The following CLBA1 variants were observed in gnomAD, a reference collection of about 807,000 sequenced individuals.
The protein encoded by CLBA1 is clathrin binding box of aftiphilin containing 1.
CLBA1 carries 30 observed loss-of-function variants against 28.8 expected under a neutral mutation model. That is an observed-to-expected ratio of 1.04 (90% CI 0.78 to 1.41). The LOEUF (loss-of-function observed/expected upper bound fraction) is 1.41. CLBA1 is among the 40% of genes most tolerant of loss of function. The pLI is 0.00. For missense variants in CLBA1, 451 were observed against 412.3 expected, an observed-to-expected ratio of 1.09 and a Z score of -0.81; for synonymous variants, 160 against 152.8, an observed-to-expected ratio of 1.05 and a Z score of -0.35.
rs371168513 is a variant in CLBA1 at position 104,991,604 on chromosome 14, T to C, written c.683T>C (p.Ile228Thr). ...CQENFFLVLG[I>T]DAAQKNLSGG... The stretch of plus-strand genomic sequence containing the variant: ...GAGAACTTCTTTCTTGTTCTCGGAA[T>C]AGATGCTGCGCAGAAGGTAGGCGGT... Residue 228 changes from isoleucine to threonine, a missense_variant, in exon 3 of 5, where the codon ATA becomes ACA. Transcript: ENST00000547315. 2.8e-5 allele frequency: 45 copies of C among 1,612,720 alleles called. No homozygotes were observed. The African/African-American group carries it at 4.4e-4, about 16-fold the overall frequency.
chr14:104,995,078 C>G lies in CLBA1; in HGVS notation c.*319C>G. ...GGTGGGGGGTTGCCCAGGGATGGAC[C>G]CTGGGCATGGCTTCTGGGCTGCTTA... On this transcript the variant is annotated 3_prime_UTR_variant, in exon 5 of 5. Transcript: ENST00000547315. 1 of 1,033,098 alleles carries G rather than the reference C, an allele frequency of 9.7e-7. No individual in the cohort carries two copies. Among genetic ancestry groups the G allele is most frequent in the Non-Finnish European group, 1.2e-6 (1 of 860,886 alleles). 64.0% of individuals were successfully genotyped at this position (1,033,098 alleles called of 1,614,324 possible).
chr14:104,995,491 T>G lies in CLBA1; in HGVS notation c.*732T>G. On this transcript the variant is annotated 3_prime_UTR_variant, in exon 5 of 5. Coordinates refer to ENST00000547315, the MANE Select transcript of CLBA1 (RefSeq NM_174891.4). ...AAGTCAGCCCTGACTTTTGTAAAAT[T>G]TTACTAAATAAAACCACCTGGATAA... 3 of 985,390 alleles carry G rather than the reference T, an allele frequency of 3.0e-6. No individual in the cohort carries two copies. The highest frequency in any genetic ancestry group is 3.6e-6 in the Non-Finnish European group (3 of 829,912). 61.0% of individuals were successfully genotyped at this position (985,390 alleles called of 1,614,324 possible).
chr14:104,999,368 C>A, downstream of CLBA1: 1 of 452,754 alleles, frequency 2.2e-6, no homozygotes, highest in Non-Finnish European at 2.9e-6. Flanking sequence ...AGGCTTTGGC[C>A]ATCATGCAAA....
chr14:104,986,547 G>A lies in CLBA1; in HGVS notation c.116G>A (p.Arg39Lys), dbSNP rs768414286. The change falls in exon 1 of 5, where the codon AGA becomes AAA. Residue 39 changes from arginine to lysine, a missense_variant. Transcript: ENST00000547315. Reference protein sequence around the residue: ...ERLSDDSLEWRRTCPDLLLSD... With the variant: ...ERLSDDSLEWKRTCPDLLLSD... ...CTGAGTGATGACAGTTTGGAATGGA[G>A]ACGGACCTGCCCCGACCTTCTCCTG... is the stretch of plus-strand genomic sequence containing the variant. 9.3e-6 allele frequency: 15 copies of A among 1,613,916 alleles called. No homozygotes were observed. The highest frequency in any genetic ancestry group is 1.7e-5 in the Admixed American group (1 of 60,004).
chr14:104,994,579 T>C lies in CLBA1; in HGVS notation c.817-19T>C. ...ATTGCCCGGGGTGCGCGCGCCTGACTGCTGTCCTCTCATCTCAGCTCTCGG... is the reference window on the plus strand; with the variant it reads ...ATTGCCCGGGGTGCGCGCGCCTGACCGCTGTCCTCTCATCTCAGCTCTCGG... On this transcript the variant is annotated intron_variant, in intron 4 of 4. Transcript: ENST00000547315. 2 of 1,595,596 alleles carry C rather than the reference T, an allele frequency of 1.3e-6. No homozygotes were observed. The highest frequency in any genetic ancestry group is 1.7e-6 in the Non-Finnish European group (2 of 1,176,036).
rs199868464 is a variant in CLBA1, at chr14:104,994,605, G to A, written c.824G>A (p.Gly275Glu). 229 of 1,606,914 alleles carry A rather than the reference G, an allele frequency of 1.4e-4. 1 individual carries two copies. Among genetic ancestry groups the A allele is most frequent in the Non-Finnish European group, 3.4e-6 (4 of 1,179,012 alleles). ...GCTGTCCTCTCATCTCAGCTCTCGGGGCCGCCTGGCAGCAAACAGGGGAGG... is the reference window on the plus strand; with the variant it reads ...GCTGTCCTCTCATCTCAGCTCTCGGAGCCGCCTGGCAGCAAACAGGGGAGG... ...CKALIQTKLS[G>E]PPGSKQGRLM... Residue 275 changes from glycine (G) to glutamate (E), a missense_variant, in exon 5 of 5, where the codon GGG becomes GAG. Transcript: ENST00000547315.
At position 104,994,270 on chromosome 14, in the gene CLBA1, CTG is replaced by C. The variant is rs1462488396; in HGVS notation, c.817-325_817-324del. 9 of 985,430 alleles carry C rather than the reference CTG, an allele frequency of 9.1e-6. No individual in the cohort carries two copies. The South Asian group carries it at 4.2e-4, about 46-fold the overall frequency. The allele number at this position is 985,430 out of a possible 1,614,324, so 61.0% of individuals were successfully genotyped here. On this transcript the variant is annotated intron_variant, in intron 4 of 4. Coordinates refer to ENST00000547315, the MANE Select transcript of CLBA1 (RefSeq NM_174891.4). ...TAGTCCAAGAGTGGCTACTGGAGGG[CTG>C]TGAGTGTGCAGGGTAGTGGCAGCCT... is the stretch of plus-strand genomic sequence containing the variant.
chr14:104,992,159 C>A (rs1446958185), intron 3 of CLBA1, among the ~76,000 whole-genome samples: 43 of 150,460 alleles, frequency 2.9e-4, no homozygotes, highest in African/African-American at 1.0e-3. Context: ...GCCTCACACA[C>A]CACCACATGC....
At chr14:104,989,708 G>GT (rs1489250635) in intron 2 of CLBA1, 1 of 455,950 alleles carries the variant, frequency 2.2e-6, no homozygotes, top group African/African-American at 2.0e-5. Context: ...GAAGCTCGAG[G>GT]TAAGTTGGCC....
At chr14:105,001,168 A>G (rs1900260390) in intron 2 of CLBA1, among the ~76,000 whole-genome samples, 1 of 152,180 alleles carries the variant, frequency 6.6e-6, no homozygotes, top group South Asian at 2.1e-4. Context: ...CAGAAAGACA[A>G]ACCCCACGTG....
chr14:104,996,559 C>G (rs536643284), downstream of CLBA1, among the ~76,000 whole-genome samples: 1 of 152,338 alleles, frequency 6.6e-6, no homozygotes, highest in African/African-American at 2.4e-5. Context: ...AGCAGGGGAG[C>G]TGGGACAGTG....
rs1362922735 is a variant in CLBA1, at chr14:104,995,492, T to G, written c.*733T>G. On this transcript the variant is annotated 3_prime_UTR_variant, in exon 5 of 5. Transcript: ENST00000547315. The stretch of plus-strand genomic sequence containing the variant: ...AGTCAGCCCTGACTTTTGTAAAATT[T>G]TACTAAATAAAACCACCTGGATAAG... 2 of 985,296 alleles carry G rather than the reference T, an allele frequency of 2.0e-6. No homozygotes were observed. The highest frequency in any genetic ancestry group is 3.5e-5 in the African/African-American group (2 of 57,222). The allele number at this position is 985,296 out of a possible 1,614,324, so 61.0% of individuals were successfully genotyped here.
Position 104,985,924 on chromosome 14 carries a change from G to A in CLBA1, c.-508G>A. Reference sequence around the variant, plus strand: ...GAGCCGTGGGCCAGGCGCTTAGCCGGCCACCTCGGGCCCTGTCCAGGCCCA... The same window carrying A: ...GAGCCGTGGGCCAGGCGCTTAGCCGACCACCTCGGGCCCTGTCCAGGCCCA... On this transcript the variant is annotated 5_prime_UTR_variant, in exon 1 of 5. Coordinates refer to ENST00000547315, the MANE Select transcript of CLBA1 (RefSeq NM_174891.4). The A allele has an allele frequency of 1.4e-5, 2 of 147,040 alleles. No individual in the cohort carries two copies. Among genetic ancestry groups the A allele is most frequent in the Non-Finnish European group, 2.6e-5 (2 of 76,440 alleles). 9.1% of individuals were successfully genotyped at this position (147,040 alleles called of 1,614,324 possible).
chr14:104,996,464 G>A (rs567483039), downstream of CLBA1, among the ~76,000 whole-genome samples: 2 of 152,214 alleles, frequency 1.3e-5, no homozygotes, highest in Non-Finnish European at 2.9e-5. Flanking sequence ...AGCTGGGAGT[G>A]GGGGCAGGGA....
chr14:104,993,271 C>T (rs747412181), intron 4 of CLBA1: 156 of 985,312 alleles, frequency 1.6e-4, no homozygotes, highest in Non-Finnish European at 1.9e-4. Flanking sequence ...TAAATACCAT[C>T]CGGAAAGACT....
At chr14:104,994,010 T>C (rs1595445509) in intron 4 of CLBA1, 1 of 985,202 alleles carries the variant, frequency 1.0e-6, no homozygotes, top group Non-Finnish European at 1.2e-6. Context: ...CCAGCTGACA[T>C]GGGGTGGGTT....
At chr14:104,995,547 G>C (rs1411321083), downstream of CLBA1, 15 of 973,286 alleles carry the variant, frequency 1.5e-5, no homozygotes, top group Non-Finnish European at 1.8e-5. Flanking sequence ...CAGCTGGGGG[G>C]ACTGATACCT....
chr14:104,986,030 C>T lies in CLBA1; in HGVS notation c.-402C>T. The T allele has an allele frequency of 4.0e-6, 1 of 252,900 alleles. No individual in the cohort carries two copies. Among genetic ancestry groups the T allele is most frequent in the Non-Finnish European group, 7.8e-6 (1 of 127,548 alleles). The allele number at this position is 252,900 out of a possible 1,614,324, so 15.7% of individuals were successfully genotyped here. On this transcript the variant is annotated 5_prime_UTR_variant, in exon 1 of 5. Coordinates refer to ENST00000547315, the MANE Select transcript of CLBA1 (RefSeq NM_174891.4). The stretch of plus-strand genomic sequence containing the variant: ...GGGGCGCCGCACCCACTCCTTCCCA[C>T]TTGGGACTCCCGCGGGCGCCCGGCT...
At chr14:104,993,684 C>G (rs1566933966) in intron 4 of CLBA1, 1 of 985,460 alleles carries the variant, frequency 1.0e-6, no homozygotes, top group Non-Finnish European at 1.2e-6. Context: ...GGAGCCCACC[C>G]TCAGACCAAG....
Sources: allele counts gnomAD v4.1 joint callset (sites outside exome capture counted in the v4.1 genomes callset), GRCh38; gene constraint gnomAD v4.1.1; transcripts MANE v1.5; gene names NCBI Gene and HGNC (gene_info 2026-07-23, HGNC 2026-07-21).